PSIP1: variants seen among roughly 807,000 people sequenced by gnomAD.
The protein encoded by PSIP1 is PC4 and SFRS1-interacting protein.
In PSIP1, 19 loss-of-function variants were observed where a neutral mutation model predicts 74.7. The observed-to-expected ratio is 0.25, with a 90% CI of 0.18 to 0.37. The LOEUF is 0.37. Ranked by LOEUF, PSIP1 falls within the 10% of genes least tolerant of loss-of-function variation. The pLI, the probability that PSIP1 is intolerant of heterozygous loss-of-function variation, is 1.00. For missense variants in PSIP1, 601 were observed against 614.3 expected, an observed-to-expected ratio of 0.98 and a Z score of 0.23; for synonymous variants, 222 against 195.3, an observed-to-expected ratio of 1.14 and a Z score of -1.14.
chr9:15,479,989 CACAATGTTATTTCTAATTCTTCGTTCAT>C (rs1279533649), intron 6 of PSIP1, among the ~76,000 whole-genome samples: 1 of 152,180 alleles, frequency 6.6e-6, no homozygotes, highest in Non-Finnish European at 1.5e-5. Flanking sequence ...CTGCAACTAA[CACAATGTTATTTCTAATTCTTCGTTCAT>C]ACAGACACAT....
rs747857831 is a variant in PSIP1 at position 15,465,562 on chromosome 9, T to C, written c.1551A>G (p.Arg517=). Residue 517 remains arginine, a synonymous_variant, in exon 16 of 16, where the codon AGA becomes AGG. Transcript: ENST00000380733. The part of the protein sequence containing the change: ...STKKKPSSEE[R]ETEISLKDST... The stretch of plus-strand genomic sequence containing the variant: ...AATCCTTCAGAGATATTTCAGTCTC[T>C]CTCTCTTCACTGGATGGCCTGAAGA... 12 of 1,586,354 alleles carry C rather than the reference T, an allele frequency of 7.6e-6. No individual in the cohort carries two copies. The African/African-American group carries it at 1.5e-4, about 20-fold the overall frequency.
Position 15,489,972 on chromosome 9 carries a change from G to T in PSIP1, c.288+14C>A. On this transcript the variant is annotated intron_variant, in intron 4 of 15. Transcript: ENST00000380733. Reference sequence around the variant, plus strand: ...TTAAATAAGTAATATCAAATTTTATGTAATATGACTTACCTGTTGACTTGA... The same window carrying T: ...TTAAATAAGTAATATCAAATTTTATTTAATATGACTTACCTGTTGACTTGA... 1 of 1,524,546 alleles carries T rather than the reference G, an allele frequency of 6.6e-7. No individual in the cohort carries two copies. Among genetic ancestry groups the T allele is most frequent in the Non-Finnish European group, 8.8e-7 (1 of 1,130,974 alleles). 94.4% of individuals were successfully genotyped at this position (1,524,546 alleles called of 1,614,324 possible).
intron 2 of PSIP1, among the ~76,000 whole-genome samples, chr9:15,508,135 T>C (rs1486319651): frequency 6.6e-6 from 1 of 152,246 alleles, no homozygotes; most frequent in Admixed American, 6.5e-5. Context: ...TAAACGATTA[T>C]GTACATGAAT....
chr9:15,487,159 C>T (rs2036591524), intron 4 of PSIP1, among the ~76,000 whole-genome samples: 1 of 150,716 alleles, frequency 6.6e-6, no homozygotes, highest in African/African-American at 2.4e-5. Context: ...ATGATTGCAC[C>T]ACTGTACCCC....
chr9:15,501,704 A>T (rs2037351219), intron 3 of PSIP1, among the ~76,000 whole-genome samples: 1 of 151,956 alleles, frequency 6.6e-6, no homozygotes, highest in Non-Finnish European at 1.5e-5. Context: ...CAGTGAAATG[A>T]CATGATCTGA....
chr9:15,496,093 C>G (rs1017015695), intron 3 of PSIP1, among the ~76,000 whole-genome samples: 2 of 152,188 alleles, frequency 1.3e-5, no homozygotes, highest in African/African-American at 4.8e-5. Flanking sequence ...GGTGACCAAT[C>G]ACCAAGAAGC....
chr9:15,488,370 T>A (rs990313156), intron 4 of PSIP1, among the ~76,000 whole-genome samples: 1 of 152,000 alleles, frequency 6.6e-6, no homozygotes. Context: ...GCTGCAGAAT[T>A]TCCACTTTGT....
Position 15,472,730 on chromosome 9 carries a change from G to T in PSIP1, c.879C>A (p.Asn293Lys). ...TATTCCTTCTGTGAGCAGTCTGAAAGTTCCTCCCACCTTTTCTCTTCTGTT... is the reference window on the plus strand; with the variant it reads ...TATTCCTTCTGTGAGCAGTCTGAAATTTCCTCCCACCTTTTCTCTTCTGTT... ...EGEKKRKGGR[N>K]FQTAHRRNML... Residue 293 changes from asparagine to lysine, a missense_variant, in exon 10 of 16, where the codon AAC (asparagine) becomes AAA (lysine). This residue lies in a region of PSIP1 where 538 missense variants were observed against 507.6 expected (regional missense o/e 1.06). Coordinates refer to ENST00000380733, the MANE Select transcript of PSIP1 (RefSeq NM_033222.5). The T allele has an allele frequency of 6.2e-7, 1 of 1,605,242 alleles. No homozygotes were observed. The highest frequency in any genetic ancestry group is 8.5e-7 in the Non-Finnish European group (1 of 1,177,926).
At chr9:15,472,053 GGAAA>G in intron 10 of PSIP1, 1 of 974,230 alleles carries the variant, frequency 1.0e-6, no homozygotes. Context: ...TATAGTAAGG[GGAAA>G]GAAATTCCCC....
intron 14 of PSIP1, chr9:15,468,330 A>C (rs1563864394): frequency 6.8e-6 from 4 of 592,444 alleles, no homozygotes; most frequent in Non-Finnish European, 1.3e-5. Context: ...GGAAGTGGGT[A>C]CTCTAGGGAT....
intron 2 of PSIP1, 47 bp from the exon 3 acceptor site, chr9:15,506,684 C>T (rs750151924): frequency 3.6e-6 from 5 of 1,377,964 alleles, no homozygotes; most frequent in African/African-American, 2.9e-5. Flanking sequence ...TCATACACAC[C>T]TCAACATTTA....
intron 3 of PSIP1, chr9:15,505,638 G>C (rs1315560221): frequency 6.6e-6 from 1 of 152,134 alleles, no homozygotes; most frequent in Non-Finnish European, 1.5e-5. Context: ...ATCATCAAAA[G>C]GTTATGATAG....
chr9:15,478,127 T>TAA (rs570873100), intron 8 of PSIP1, among the ~76,000 whole-genome samples: 16 of 108,204 alleles, frequency 1.5e-4, no homozygotes, highest in Admixed American at 2.0e-4. Flanking sequence ...ACCCCATCTT[T>TAA]AAAAAAAAAA....
At chr9:15,497,641 A>C (rs2037145882) in intron 3 of PSIP1, among the ~76,000 whole-genome samples, 1 of 152,102 alleles carries the variant, frequency 6.6e-6, no homozygotes, top group Non-Finnish European at 1.5e-5. Flanking sequence ...ATTTATATGA[A>C]GTGCCCAGAA....
chr9:15,501,112 G>T lies in PSIP1; in HGVS notation c.149+5449C>A, dbSNP rs13287504. On this transcript the variant is annotated intron_variant, in intron 3 of 15. Transcript: ENST00000380733. ...TTATCCCCACTTTACAAATGACAAA[G>T]AAAAAAAACACAAATATAAGTAACC... Among the ~76,000 whole-genome samples, 667 of 151,280 alleles carry T rather than the reference G, an allele frequency of 4.4e-3. 4 individuals are homozygous for T. Among genetic ancestry groups the T allele is most frequent in the Middle Eastern group, 6.9e-3 (2 of 290 alleles).
chr9:15,471,376 GAA>G (rs2035820726), intron 10 of PSIP1: 1 of 1,542,014 alleles, frequency 6.5e-7, no homozygotes, highest in African/African-American at 1.4e-5. Context: ...TAGAATTTGA[GAA>G]AGTTACATTG....
intron 14 of PSIP1, among the ~76,000 whole-genome samples, chr9:15,467,647 C>G (rs1040411299): frequency 6.6e-6 from 1 of 152,096 alleles, no homozygotes; most frequent in Non-Finnish European, 1.5e-5. Flanking sequence ...AGCTGGATGA[C>G]AAGGACATGA....
intron 11 of PSIP1, 50 bp downstream of exon 11, chr9:15,469,888 C>T (rs757205394): frequency 4.1e-6 from 6 of 1,475,098 alleles, no homozygotes; most frequent in Non-Finnish European, 4.7e-6. Flanking sequence ...GTCTATATAA[C>T]TTCTTTTCCA....
At chr9:15,498,524 T>A (rs908209249) in intron 3 of PSIP1, among the ~76,000 whole-genome samples, 7 of 152,024 alleles carry the variant, frequency 4.6e-5, no homozygotes, top group Non-Finnish European at 1.5e-5. Context: ...AAATCTTCCT[T>A]GGGCACGCAG....
Sources: gnomAD v4.1 joint callset for allele counts (sites outside exome capture counted in the v4.1 genomes callset) on GRCh38, gnomAD v4.1.1 for gene constraint, gnomAD v4.1.1 regional missense constraint, MANE v1.5 for transcripts, NCBI Gene and HGNC (gene_info 2026-07-23, HGNC 2026-07-21) for gene names.